TRPM3: variants seen among roughly 807,000 people sequenced by gnomAD.
TRPM3 encodes long transient receptor potential channel 3.
In TRPM3, 77 loss-of-function variants were observed where a neutral mutation model predicts 181.2. That is an observed-to-expected ratio of 0.42 (90% CI 0.35 to 0.51). TRPM3 has a LOEUF of 0.51. Ranked by LOEUF, TRPM3 falls within the 20% of genes least tolerant of loss-of-function variation. The pLI, the probability that TRPM3 is intolerant of heterozygous loss-of-function variation, is 0.01. For missense variants in TRPM3, 1,759 were observed against 2,196.7 expected (o/e 0.80, Z 3.98); for synonymous variants, 745 against 796.4 (o/e 0.94, Z 1.09).
intron 1 of TRPM3, among the ~76,000 whole-genome samples, chr9:71,351,476 A>G (rs1010000958): frequency 6.6e-6 from 1 of 152,232 alleles, no homozygotes; most frequent in African/African-American, 2.4e-5. Flanking sequence ...TCGAAACTAT[A>G]TATATGATTA....
At chr9:71,255,951 G>A (rs1322643699) in intron 1 of TRPM3, among the ~76,000 whole-genome samples, 1 of 152,054 alleles carries the variant, frequency 6.6e-6, no homozygotes, top group Non-Finnish European at 1.5e-5. Flanking sequence ...ACCAAGAGTG[G>A]GTGGTTAAAT....
chr9:71,058,025 T>C (rs545481584), intron 1 of TRPM3, among the ~76,000 whole-genome samples: 2 of 152,180 alleles, frequency 1.3e-5, no homozygotes, highest in African/African-American at 2.4e-5. Context: ...CCTAACATTA[T>C]CTTGTGTGTT....
intron 1 of TRPM3, among the ~76,000 whole-genome samples, chr9:71,336,526 C>T (rs1458967926): frequency 6.6e-6 from 1 of 152,138 alleles, no homozygotes; most frequent in Non-Finnish European, 1.5e-5. Context: ...GCCATACTGC[C>T]CAAAGTAATT....
At chr9:71,333,704 G>A (rs2090371358) in intron 1 of TRPM3, among the ~76,000 whole-genome samples, 1 of 151,858 alleles carries the variant, frequency 6.6e-6, no homozygotes, top group South Asian at 2.1e-4. Context: ...AGTTTTGTGG[G>A]AGACTTAGAG....
chr9:70,921,974 C>CACACAT (rs1168237101), intron 1 of TRPM3, among the ~76,000 whole-genome samples: 31 of 150,546 alleles, frequency 2.1e-4, no homozygotes, highest in African/African-American at 7.3e-4. Context: ...CACACACACA[C>CACACAT]ATATAGTTAT....
chr9:71,030,426 A>G (rs1047306619), intron 1 of TRPM3, among the ~76,000 whole-genome samples: 3 of 152,132 alleles, frequency 2.0e-5, no homozygotes, highest in Admixed American at 2.0e-4. Context: ...TTAGCTAAGC[A>G]TGGTGGCTGA....
chr9:70,849,489 TCCAAA>T (rs1327674195), intron 3 of TRPM3, among the ~76,000 whole-genome samples: 1 of 152,168 alleles, frequency 6.6e-6, no homozygotes, highest in East Asian at 1.9e-4. Context: ...ACTTATGTGA[TCCAAA>T]ATGGATGATC....
chr9:71,373,242 T>C (rs2092574717), intron 1 of TRPM3, among the ~76,000 whole-genome samples: 1 of 150,242 alleles, frequency 6.7e-6, no homozygotes. Flanking sequence ...CAAACCCCTA[T>C]GCTAGCAGAA....
At chr9:70,550,229 G>A (rs12345735) in intron 24 of TRPM3, among the ~76,000 whole-genome samples, 15,154 of 152,162 alleles carry the variant, frequency 0.1, 1,198 homozygotes, top group African/African-American at 0.22. Flanking sequence ...CTTGGGAAGA[G>A]ATTTTACTTT....
intron 9 of TRPM3, among the ~76,000 whole-genome samples, chr9:70,666,361 C>A (rs2061846208): frequency 6.6e-6 from 1 of 152,152 alleles, no homozygotes; most frequent in African/African-American, 2.4e-5. Flanking sequence ...GTTTTGTGTT[C>A]TGTATTTGTT....
chr9:71,169,919 T>C (rs532351723), intron 1 of TRPM3, among the ~76,000 whole-genome samples: 27 of 145,562 alleles, frequency 1.9e-4, no homozygotes, highest in African/African-American at 6.8e-4. Context: ...GGAGAATCCC[T>C]GGAACCCAGA....
chr9:70,798,042 G>A (rs143134157), intron 6 of TRPM3, among the ~76,000 whole-genome samples: 1 of 152,122 alleles, frequency 6.6e-6, no homozygotes, highest in Non-Finnish European at 1.5e-5. Flanking sequence ...ATGCAGAAAA[G>A]GAGTACTATT....
chr9:71,043,410 G>C (rs2059055917), intron 1 of TRPM3, among the ~76,000 whole-genome samples: 1 of 152,160 alleles, frequency 6.6e-6, no homozygotes, highest in Admixed American at 6.5e-5. Flanking sequence ...AGCAAGAAAT[G>C]ACTAGTGATT....
At chr9:71,277,192 G>A (rs1488616682) in intron 1 of TRPM3, among the ~76,000 whole-genome samples, 1 of 152,118 alleles carries the variant, frequency 6.6e-6, no homozygotes, top group Non-Finnish European at 1.5e-5. Context: ...ATTCAGGATA[G>A]CAGCCACCTC....
At chr9:71,312,930 T>C (rs1588438407) in intron 1 of TRPM3, among the ~76,000 whole-genome samples, 1 of 152,254 alleles carries the variant, frequency 6.6e-6, no homozygotes, top group East Asian at 1.9e-4. Context: ...GAAGGATTTT[T>C]TGGGCAGTGA....
intron 8 of TRPM3, among the ~76,000 whole-genome samples, chr9:70,739,948 T>C (rs2073671183): frequency 6.6e-6 from 1 of 152,030 alleles, no homozygotes; most frequent in South Asian, 2.1e-4. Context: ...CTATTCAACA[T>C]AGCACTGGAA....
intron 1 of TRPM3, among the ~76,000 whole-genome samples, chr9:71,411,272 G>T (rs936528560): frequency 6.6e-6 from 1 of 152,208 alleles, no homozygotes; most frequent in Admixed American, 6.5e-5. Context: ...ACAGGAGAAA[G>T]AAATAAAGGA....
intron 1 of TRPM3, among the ~76,000 whole-genome samples, chr9:71,408,487 T>A (rs2093479825): frequency 6.6e-6 from 1 of 151,434 alleles, no homozygotes; most frequent in African/African-American, 2.4e-5. Context: ...TTCAATCAAG[T>A]GGAAAAAAGG....
intron 8 of TRPM3, among the ~76,000 whole-genome samples, chr9:70,692,860 G>A (rs966260729): frequency 6.8e-6 from 1 of 147,640 alleles, no homozygotes; most frequent in Non-Finnish European, 1.5e-5. Flanking sequence ...CAGTGAACAT[G>A]AGGTTTGGGG....
Sources: gnomAD v4.1 joint callset for allele counts (sites outside exome capture counted in the v4.1 genomes callset) on GRCh38, gnomAD v4.1.1 for gene constraint, MANE v1.5 for transcripts, NCBI Gene and HGNC (gene_info 2026-07-23, HGNC 2026-07-21) for gene names.